The following BMPER variants were observed in gnomAD, a reference collection of about 807,000 sequenced individuals.
BMPER encodes the protein BMP binding endothelial regulator.
Under a neutral mutation model 87.3 loss-of-function variants are expected in BMPER, and 45 were observed. The observed-to-expected ratio is 0.52, with a 90% confidence interval of 0.41 to 0.66. The LOEUF (loss-of-function observed/expected upper bound fraction) is 0.66, where lower values mean the gene tolerates loss of function less well. Among genes scored for constraint, BMPER ranks in the 30% least tolerant of loss-of-function variants. The pLI is 0.00. For synonymous variants in BMPER, 326 were observed against 316.2 expected (o/e 1.03, Z -0.33); for missense variants, 784 against 867.5 (o/e 0.90, Z 1.21).
chr7:34,047,252 C>CCTT lies in BMPER; in HGVS notation c.676+863_676+865dup, dbSNP rs535011658. On this transcript the variant is annotated intron_variant, in intron 7 of 14. Transcript: ENST00000649409. The stretch of plus-strand genomic sequence containing the variant: ...TTCTTTGGCTTTTGCTTATATGCTA[C>CCTT]CTTCTTCTTCTTCTTCTTTTTTGTT... Among the ~76,000 whole-genome samples, 218 of 151,636 alleles carry CCTT rather than the reference C, an allele frequency of 1.4e-3. 3 individuals carry two copies. The highest frequency in any genetic ancestry group is 2.7e-3 in the South Asian group (13 of 4,754).
intron 13 of BMPER, among the ~76,000 whole-genome samples, chr7:34,129,058 A>G (rs996155345): frequency 2.6e-5 from 4 of 152,194 alleles, no homozygotes; most frequent in East Asian, 1.9e-4. Flanking sequence ...CTTTTATTGT[A>G]TAGTGGGAAC....
intron 6 of BMPER, among the ~76,000 whole-genome samples, chr7:33,980,586 T>C (rs1785825912): frequency 1.3e-5 from 2 of 152,216 alleles, no homozygotes; most frequent in South Asian, 4.1e-4. Flanking sequence ...CAATCAGAGA[T>C]GTTTGTGTTC....
chr7:34,124,449 GTT>G (rs34998655), intron 13 of BMPER, among the ~76,000 whole-genome samples: 85,663 of 146,930 alleles, frequency 0.58, 25,011 homozygotes, highest in East Asian at 0.83. Context: ...GCATTGTAAA[GTT>G]TTTTTTTTTT....
At chr7:34,106,995 C>T (rs953126231) in intron 13 of BMPER, among the ~76,000 whole-genome samples, 5 of 152,168 alleles carry the variant, frequency 3.3e-5, no homozygotes, top group South Asian at 2.1e-4. Flanking sequence ...TGAACTCCTA[C>T]GTGAGTTGTG....
intron 3 of BMPER, among the ~76,000 whole-genome samples, chr7:33,958,100 A>G (rs1205299556): frequency 1.3e-5 from 2 of 151,922 alleles, no homozygotes; most frequent in Non-Finnish European, 2.9e-5. Flanking sequence ...AATAAATCTT[A>G]TTTTCTTAGG....
chr7:34,011,520 A>G (rs921227766), intron 6 of BMPER, among the ~76,000 whole-genome samples: 1 of 147,322 alleles, frequency 6.8e-6, no homozygotes, highest in Non-Finnish European at 1.5e-5. Flanking sequence ...AAAAATTTCC[A>G]TTAAAGGAAA....
chr7:34,102,935 A>AT lies in BMPER; in HGVS notation c.1745+16844dup, dbSNP rs550177943. Reference sequence around the variant, plus strand: ...GGTATGGTCAGGGAGGCCCTCTGGGATGAGGTGCCCTGTAAGCTGAGATCT... The same window carrying AT: ...GGTATGGTCAGGGAGGCCCTCTGGGATTGAGGTGCCCTGTAAGCTGAGATCT... On this transcript the variant is annotated intron_variant, in intron 13 of 14. Coordinates refer to ENST00000649409, the MANE Select transcript of BMPER (RefSeq NM_001365308.1). Among the ~76,000 whole-genome samples the AT allele has an allele frequency of 4.4e-3, 666 of 152,234 alleles. 1 individual carries two copies. The highest frequency in any genetic ancestry group is 0.015 in the African/African-American group (640 of 41,548).
chr7:34,077,289 G>C (rs2127973122), intron 11 of BMPER, among the ~76,000 whole-genome samples: 2 of 152,204 alleles, frequency 1.3e-5, no homozygotes, highest in South Asian at 4.2e-4. Context: ...TAGTTGAGAA[G>C]ATATGGAGTT....
intron 13 of BMPER, among the ~76,000 whole-genome samples, chr7:34,142,179 T>C (rs1415308555): frequency 1.3e-5 from 2 of 152,226 alleles, no homozygotes; most frequent in Non-Finnish European, 1.5e-5. Context: ...AAATGTTAAC[T>C]GGAAACTGTT....
At chr7:34,109,211 C>T (rs1241508961) in intron 13 of BMPER, among the ~76,000 whole-genome samples, 1 of 152,140 alleles carries the variant, frequency 6.6e-6, no homozygotes, top group Non-Finnish European at 1.5e-5. Flanking sequence ...CCAGGGAGAG[C>T]TGATGTTTCA....
rs951912890 is a variant in BMPER, at chr7:34,052,070, G to T, written c.786+100G>T. ...CAAAGCCAATGGTGTGTTATTTATTGGGAGGAAGCATTAACAATGCCATTT... is the reference window on the plus strand; with the variant it reads ...CAAAGCCAATGGTGTGTTATTTATTTGGAGGAAGCATTAACAATGCCATTT... On this transcript the variant is annotated intron_variant, in intron 8 of 14. Transcript: ENST00000649409. 3.6e-6 allele frequency: 4 copies of T among 1,101,816 alleles called. No individual in the cohort carries two copies. In the African/African-American group the frequency reaches 6.2e-5, roughly 17 times the overall value. 68.3% of individuals were successfully genotyped at this position (1,101,816 alleles called of 1,614,324 possible).
At position 34,155,328 on chromosome 7, in the gene BMPER, G is replaced by A. The variant is rs1791282598; in HGVS notation, c.*2055G>A. The stretch of plus-strand genomic sequence containing the variant: ...TGAAAGAGGGCAGCATAAGGGAAAT[G>A]ATGGAGAAGGGAGAATTGTGGATGG... On this transcript the variant is annotated 3_prime_UTR_variant, in exon 15 of 15. Transcript: ENST00000649409. The A allele has an allele frequency of 2.0e-5, 3 of 152,186 alleles. No individual in the cohort carries two copies. Among genetic ancestry groups the A allele is most frequent in the Admixed American group, 2.0e-4 (3 of 15,276 alleles). The allele number at this position is 152,186 out of a possible 1,614,324, so 9.4% of individuals were successfully genotyped here. A position where few individuals can be genotyped will look rare whatever the true frequency, so the allele number is the denominator to read the frequency against.
rs181482468 is a variant in BMPER at position 33,909,810 on chromosome 7, C to A, written c.219+2907C>A. Reference sequence around the variant, plus strand: ...AATTACAGAGTAAAAGCTTAAAAAACCCCACAAAAATCAACTTGGCCTGAT... The same window carrying A: ...AATTACAGAGTAAAAGCTTAAAAAAACCCACAAAAATCAACTTGGCCTGAT... On this transcript the variant is annotated intron_variant, in intron 2 of 14. Coordinates refer to ENST00000649409, the MANE Select transcript of BMPER (RefSeq NM_001365308.1). Among the ~76,000 whole-genome samples the A allele has an allele frequency of 6.0e-3, 913 of 152,150 alleles. 7 individuals carry two copies. The highest frequency in any genetic ancestry group is 0.02 in the African/African-American group (847 of 41,500).
At chr7:34,094,015 C>T (rs1789462607) in intron 13 of BMPER, among the ~76,000 whole-genome samples, 1 of 152,158 alleles carries the variant, frequency 6.6e-6, no homozygotes, top group Non-Finnish European at 1.5e-5. Context: ...TCCAGGTCGC[C>T]TGCGCAGCTG....
In BMPER at chr7:34,062,019, A is replaced by G. The variant is rs753788230; in HGVS notation, c.1050A>G (p.Arg350=). 5 of 1,611,712 alleles carry G rather than the reference A, an allele frequency of 3.1e-6. No homozygotes were observed. The highest frequency in any genetic ancestry group is 3.3e-5 in the Admixed American group (2 of 59,976). The part of the protein sequence containing the change: ...SSCPQGKILN[R]KGCCPICTEK... ...CTGATTAGGGCAAAATTCTCAACAG[A>G]AAAGGATGCTGTCCTATTTGCACTG... The change falls in exon 11 of 15, where the codon AGA becomes AGG. Residue 350 remains arginine (R), a synonymous_variant. Transcript: ENST00000649409.
chr7:33,930,540 C>T (rs762646319), intron 2 of BMPER, among the ~76,000 whole-genome samples: 5 of 152,182 alleles, frequency 3.3e-5, no homozygotes, highest in African/African-American at 9.6e-5. Flanking sequence ...CTTGCATTCT[C>T]TCCTGTCTGT....
intron 7 of BMPER, among the ~76,000 whole-genome samples, chr7:34,048,571 C>T (rs1160518068): frequency 1.3e-5 from 2 of 152,128 alleles, no homozygotes; most frequent in Non-Finnish European, 2.9e-5. Flanking sequence ...GCAGGAAAGC[C>T]ATTGCAAAGG....
chr7:34,007,480 C>T (rs2127938948), intron 6 of BMPER, among the ~76,000 whole-genome samples: 1 of 152,108 alleles, frequency 6.6e-6, no homozygotes, highest in Admixed American at 6.6e-5. Context: ...TATTCTCCCA[C>T]AGATGGTCCA....
At chr7:34,119,014 TCACA>T (rs138792693) in intron 13 of BMPER, among the ~76,000 whole-genome samples, 4 of 135,794 alleles carry the variant, frequency 2.9e-5, no homozygotes, top group Non-Finnish European at 6.4e-5. Context: ...TCTCTCTCTC[TCACA>T]CACACACACA....
Sources: gnomAD v4.1 joint callset for allele counts (sites outside exome capture counted in the v4.1 genomes callset) on GRCh38, gnomAD v4.1.1 for gene constraint, MANE v1.5 for transcripts, NCBI Gene and HGNC (gene_info 2026-07-23, HGNC 2026-07-21) for gene names.